SHISA9: variants seen among roughly 807,000 people sequenced by gnomAD.
SHISA9 encodes the protein protein shisa-9.
A neutral mutation model predicts 38.0 loss-of-function variants in SHISA9; 13 were observed. The observed-to-expected ratio is 0.34, with a 90% CI of 0.22 to 0.54. The LOEUF is 0.54. SHISA9 is among the 20% of genes least tolerant of loss of function. SHISA9 has a pLI of 0.91. For missense variants in SHISA9, 538 were observed against 575.8 expected (o/e 0.93, Z 0.67); for synonymous variants, 275 against 242.0 (o/e 1.14, Z -1.27).
the SHISA9 span, among the ~76,000 whole-genome samples, chr16:13,502,914 C>A: frequency 6.6e-6 from 1 of 151,834 alleles, no homozygotes; most frequent in African/African-American, 2.4e-5. Flanking sequence ...TAAAATAAAT[C>A]TACTGGGAAA....
the SHISA9 span, among the ~76,000 whole-genome samples, chr16:13,527,442 G>T: frequency 6.6e-6 from 1 of 152,228 alleles, no homozygotes. Flanking sequence ...AGAGCCCAGA[G>T]TTGAGAGGGG....
At chr16:12,943,441 C>A (rs1041751809) in intron 2 of SHISA9, among the ~76,000 whole-genome samples, 1 of 150,932 alleles carries the variant, frequency 6.6e-6, no homozygotes, top group African/African-American at 2.4e-5. Context: ...ATGACGAAAC[C>A]TCTACCTACC....
chr16:13,214,488 G>T (rs1385135665), intron 4 of SHISA9, among the ~76,000 whole-genome samples: 1 of 152,236 alleles, frequency 6.6e-6, no homozygotes, highest in Middle Eastern at 3.4e-3. Context: ...TTACAAGCAT[G>T]AGCCACCATG....
the SHISA9 span, among the ~76,000 whole-genome samples, chr16:13,469,453 A>G: frequency 6.6e-6 from 1 of 151,892 alleles, no homozygotes; most frequent in Non-Finnish European, 1.5e-5. Flanking sequence ...AAGAGAAAGA[A>G]CTGGAATTCT....
chr16:13,078,943 TAGA>T (rs1241618561), intron 2 of SHISA9, among the ~76,000 whole-genome samples: 1 of 152,204 alleles, frequency 6.6e-6, no homozygotes, highest in Non-Finnish European at 1.5e-5. Context: ...TGATGTTCTC[TAGA>T]AGAAGCATAA....
the SHISA9 span, among the ~76,000 whole-genome samples, chr16:13,282,412 C>A: frequency 1.3e-5 from 2 of 151,780 alleles, no homozygotes; most frequent in Non-Finnish European, 2.9e-5. Flanking sequence ...TTTTTATTTT[C>A]CTACTTTAAA....
chr16:13,320,292 C>CAAAAAAAAA, the SHISA9 span, among the ~76,000 whole-genome samples: 51 of 38,994 alleles, frequency 1.3e-3, 2 homozygotes, highest in East Asian at 6.4e-3. Context: ...GACTCTGTCT[C>CAAAAAAAAA]AAAAAAAAAA....
chr16:13,377,727 A>T, the SHISA9 span, among the ~76,000 whole-genome samples: 25 of 152,282 alleles, frequency 1.6e-4, no homozygotes, highest in Non-Finnish European at 2.6e-4. Flanking sequence ...GAAAAATAAA[A>T]CCAATAGCAT....
At chr16:13,328,637 T>C in the SHISA9 span, among the ~76,000 whole-genome samples, 1,606 of 97,564 alleles carry the variant, frequency 0.016, 35 homozygotes, top group African/African-American at 0.071. Flanking sequence ...CACACACACA[T>C]ATATATTGTA....
chr16:13,053,562 A>C (rs1401276900), intron 2 of SHISA9, among the ~76,000 whole-genome samples: 2 of 152,162 alleles, frequency 1.3e-5, no homozygotes, highest in African/African-American at 4.8e-5. Context: ...CATGGATTAA[A>C]ATCTGGACTC....
the SHISA9 span, among the ~76,000 whole-genome samples, chr16:13,457,126 G>A: frequency 1.3e-5 from 2 of 152,212 alleles, no homozygotes; most frequent in Non-Finnish European, 2.9e-5. Flanking sequence ...GACCAATGTG[G>A]AGAAACCCTG....
the SHISA9 span, among the ~76,000 whole-genome samples, chr16:13,370,643 CAGTT>C: frequency 2.0e-5 from 3 of 152,074 alleles, no homozygotes; most frequent in Non-Finnish European, 2.9e-5. Context: ...ATGTCTTGTT[CAGTT>C]AGTTATTTTA....
chr16:13,298,146 C>T, the SHISA9 span, among the ~76,000 whole-genome samples: 19 of 152,248 alleles, frequency 1.2e-4, no homozygotes, highest in Non-Finnish European at 1.9e-4. Flanking sequence ...CCATGGACAC[C>T]GGCTGCTCTT....
intron 4 of SHISA9, among the ~76,000 whole-genome samples, chr16:13,226,441 C>T (rs150276366): frequency 1.1e-3 from 171 of 152,264 alleles, no homozygotes; most frequent in South Asian, 0.011. Context: ...ATAATCTTGC[C>T]TATAGGACAT....
chr16:13,505,527 G>A, the SHISA9 span, among the ~76,000 whole-genome samples: 5 of 152,232 alleles, frequency 3.3e-5, no homozygotes, highest in Non-Finnish European at 4.4e-5. Context: ...GTGTATTGGT[G>A]AGGACAAATA....
rs938130017 is a variant in SHISA9 at position 13,222,794 on chromosome 16, A to G, written c.895+9494A>G. Among the ~76,000 whole-genome samples the G allele has an allele frequency of 8.8e-5, 7 of 79,438 alleles. No individual in the cohort carries two copies. In the South Asian group the frequency reaches 1.1e-3, roughly 13 times the overall value. 52.1% of individuals were successfully genotyped at this position (79,438 alleles called of 152,430 possible). A position where few individuals can be genotyped will look rare whatever the true frequency, so the allele number is the denominator to read the frequency against. On this transcript the variant is annotated intron_variant, in intron 4 of 4. Transcript: ENST00000558583. ...CACTCCACAAGGTGTGTGTGTATGT[A>G]TATATATATATATATATACATACAC...
chr16:13,507,909 A>G, the SHISA9 span, among the ~76,000 whole-genome samples: 1 of 152,216 alleles, frequency 6.6e-6, no homozygotes, highest in Admixed American at 6.5e-5. Flanking sequence ...TGCACACACT[A>G]TTTTAATGAT....
the SHISA9 span, among the ~76,000 whole-genome samples, chr16:13,416,800 G>A: frequency 6.8e-6 from 1 of 146,966 alleles, no homozygotes; most frequent in African/African-American, 2.5e-5. Flanking sequence ...AGGGAAGGAA[G>A]GAAGGAAGGA....
At chr16:13,122,746 A>T (rs1186768395) in intron 2 of SHISA9, among the ~76,000 whole-genome samples, 1 of 152,182 alleles carries the variant, frequency 6.6e-6, no homozygotes, top group Non-Finnish European at 1.5e-5. Flanking sequence ...AGGTTTTAAG[A>T]TTTAAAAATA....
Sources: allele counts gnomAD v4.1 joint callset (sites outside exome capture counted in the v4.1 genomes callset), GRCh38; gene constraint gnomAD v4.1.1; transcripts MANE v1.5; gene names NCBI Gene and HGNC (gene_info 2026-07-23, HGNC 2026-07-21).